ADAMTS19: variants seen among roughly 807,000 people sequenced by gnomAD.
ADAMTS19 encodes the protein A disintegrin and metalloproteinase with thrombospondin motifs 19.
In ADAMTS19, 93 loss-of-function variants were observed where a neutral mutation model predicts 153.3. The ratio of observed to expected loss-of-function variants is 0.61; its 90% confidence interval spans 0.51 to 0.72. ADAMTS19 has a LOEUF of 0.72. Ranked by LOEUF, ADAMTS19 falls within the 30% of genes least tolerant of loss-of-function variation. The pLI is 0.00. For missense variants in ADAMTS19, 1,482 were observed against 1,552.1 expected (o/e 0.95, Z 0.76); for synonymous variants, 600 against 556.6 (o/e 1.08, Z -1.10).
In ADAMTS19 at chr5:129,489,426, T is replaced by C. The variant is rs180862836; in HGVS notation, c.748-19651T>C. 4.6e-5 allele frequency among the ~76,000 whole-genome samples: 7 copies of C among 152,274 alleles called. No individual in the cohort carries two copies. In the East Asian group the frequency reaches 1.3e-3, roughly 29 times the overall value. On this transcript the variant is annotated intron_variant, in intron 2 of 22. Transcript: ENST00000274487. ...TCTTCCAGTGCCACATCTTCTTCCTTTCCCTTTATGCATAAGGTTTCCTCT... is the reference window on the plus strand; with the variant it reads ...TCTTCCAGTGCCACATCTTCTTCCTCTCCCTTTATGCATAAGGTTTCCTCT...
At chr5:129,559,566 G>C (rs982688773) in intron 7 of ADAMTS19, among the ~76,000 whole-genome samples, 1 of 152,086 alleles carries the variant, frequency 6.6e-6, no homozygotes, top group Admixed American at 6.5e-5. Flanking sequence ...ATTTAAATTG[G>C]TGTAATCATT....
intron 2 of ADAMTS19, among the ~76,000 whole-genome samples, chr5:129,462,013 G>A: frequency 6.6e-6 from 1 of 152,176 alleles, no homozygotes; most frequent in East Asian, 1.9e-4. Context: ...AAAACTGCGT[G>A]AAACTCTGCC....
intron 8 of ADAMTS19, among the ~76,000 whole-genome samples, chr5:129,612,999 T>C (rs1213656662): frequency 2.6e-5 from 4 of 152,146 alleles, no homozygotes; most frequent in Admixed American, 6.6e-5. Flanking sequence ...ATCCTAAATA[T>C]ATATGCACCC....
Position 129,704,282 on chromosome 5 carries a change from G to A in ADAMTS19, c.3203G>A (p.Arg1068Lys), listed in dbSNP as rs1438041952. Residue 1068 changes from arginine (R) to lysine (K), a missense_variant, in exon 21 of 23, where the codon AGA becomes AAA. Arg to Lys is a conservative substitution (Grantham distance 26). Coordinates refer to ENST00000274487, the MANE Select transcript of ADAMTS19 (RefSeq NM_133638.6). ...AAAGGCATACGTCATCGGACCGTTAGATGTACCAACCCAAGAAAGAAGTGT... is the reference window on the plus strand; with the variant it reads ...AAAGGCATACGTCATCGGACCGTTAAATGTACCAACCCAAGAAAGAAGTGT... ...CGKGIRHRTV[R>K]CTNPRKKCVL... 1 of 1,614,134 alleles carries A rather than the reference G, an allele frequency of 6.2e-7. No individual in the cohort carries two copies. The highest frequency in any genetic ancestry group is 8.5e-7 in the Non-Finnish European group (1 of 1,179,990).
intron 21 of ADAMTS19, among the ~76,000 whole-genome samples, chr5:129,708,324 C>T (rs1310380920): frequency 6.6e-6 from 1 of 152,058 alleles, no homozygotes; most frequent in East Asian, 1.9e-4. Context: ...CAATTATATG[C>T]CACGTTCTGA....
Position 129,620,814 on chromosome 5 carries a change from T to A in ADAMTS19, c.1619+56T>A. On this transcript the variant is annotated intron_variant, in intron 9 of 22. Transcript: ENST00000274487. ...TGAATGATTATGTGTGCTGTTTCTT[T>A]TTACAAATAGAGAAGCCAGTGTGGC... 1.9e-6 allele frequency: 3 copies of A among 1,560,718 alleles called. No individual in the cohort carries two copies. In the South Asian group the frequency reaches 3.6e-5, roughly 19 times the overall value.
intron 6 of ADAMTS19, among the ~76,000 whole-genome samples, chr5:129,541,917 A>C (rs1752666254): frequency 6.6e-6 from 1 of 152,108 alleles, no homozygotes; most frequent in Non-Finnish European, 1.5e-5. Context: ...ATAGTTTCCT[A>C]TGTAGATAAA....
rs1357310057 is a variant in ADAMTS19, at chr5:129,461,502, C to G, written c.492C>G (p.Ala164=). The change falls in exon 2 of 23, where the codon GCC becomes GCG. Residue 164 remains alanine, a synonymous_variant. Coordinates refer to ENST00000274487, the MANE Select transcript of ADAMTS19 (RefSeq NM_133638.6). This position sits in a 1 kb window ranked among gnomAD's most constrained non-coding sequence, Gnocchi z 4.6. ...CGTCCCCGCCCCCGGCCCAGCATGC[C>G]GAGCCGGATGGCGACGAAGTGTTGC... ...PPPSPPPAQH[A]EPDGDEVLLR... is the part of the protein sequence containing the mutation. The G allele has an allele frequency of 6.6e-6, 10 of 1,507,082 alleles. No homozygotes were observed. In the East Asian group the frequency reaches 8.3e-5, roughly 12 times the overall value. 93.4% of individuals were successfully genotyped at this position (1,507,082 alleles called of 1,614,324 possible).
intron 7 of ADAMTS19, among the ~76,000 whole-genome samples, chr5:129,571,327 T>G (rs1427934254): frequency 6.6e-6 from 1 of 151,658 alleles, no homozygotes; most frequent in Non-Finnish European, 1.5e-5. Context: ...CATATATGGG[T>G]GTTTATGTGT....
chr5:129,496,705 A>G (rs577666526), intron 2 of ADAMTS19, among the ~76,000 whole-genome samples: 2 of 152,198 alleles, frequency 1.3e-5, no homozygotes, highest in South Asian at 2.1e-4. Context: ...CTGGAATTGC[A>G]TGAGATAAGT....
intron 21 of ADAMTS19, among the ~76,000 whole-genome samples, chr5:129,731,694 G>T (rs1254359280): frequency 1.3e-5 from 2 of 151,956 alleles, no homozygotes; most frequent in Admixed American, 1.3e-4. Flanking sequence ...CGTAAAGGAA[G>T]AATTGACAGC....
At chr5:129,626,200 T>C (rs1247632370) in intron 10 of ADAMTS19, among the ~76,000 whole-genome samples, 1 of 152,112 alleles carries the variant, frequency 6.6e-6, no homozygotes. Flanking sequence ...AAAAATCAGA[T>C]GCTCTCCAGT....
intron 7 of ADAMTS19, among the ~76,000 whole-genome samples, chr5:129,557,240 G>C (rs762544618): frequency 4.1e-4 from 62 of 152,248 alleles, no homozygotes; most frequent in Non-Finnish European, 7.9e-4. Context: ...TTCTAGCTGA[G>C]AGATTAGCCA....
intron 11 of ADAMTS19, among the ~76,000 whole-genome samples, chr5:129,643,771 G>T (rs570482637): frequency 6.6e-6 from 1 of 152,052 alleles, no homozygotes; most frequent in Non-Finnish European, 1.5e-5. Context: ...ATCAGAATTT[G>T]GGTCTGTTTT....
intron 17 of ADAMTS19, among the ~76,000 whole-genome samples, chr5:129,682,173 T>C (rs965456039): frequency 6.6e-6 from 1 of 152,200 alleles, no homozygotes; most frequent in African/African-American, 2.4e-5. Flanking sequence ...TGAAGCATAA[T>C]TAAACTCAGT....
chr5:129,695,944 T>A (rs962684643), intron 19 of ADAMTS19, among the ~76,000 whole-genome samples: 3 of 152,124 alleles, frequency 2.0e-5, no homozygotes, highest in Non-Finnish European at 4.4e-5. Context: ...TTTATAGCAG[T>A]TTATAACTGA....
chr5:129,463,138 C>T lies in ADAMTS19; in HGVS notation c.747+1381C>T, dbSNP rs144930009. 5.0e-3 allele frequency among the ~76,000 whole-genome samples: 767 copies of T among 152,182 alleles called. 4 individuals are homozygous for T. Among genetic ancestry groups the T allele is most frequent in the African/African-American group, 0.017 (721 of 41,500 alleles). ...TGTTTGAACATTTCACTGGGGAAAA[C>T]ATTTTGTGGAGATTTCATTGTCCAC... On this transcript the variant is annotated intron_variant, in intron 2 of 22. Coordinates refer to ENST00000274487, the MANE Select transcript of ADAMTS19 (RefSeq NM_133638.6).
At chr5:129,613,966 C>A (rs1364543977) in intron 8 of ADAMTS19, among the ~76,000 whole-genome samples, 4 of 152,130 alleles carry the variant, frequency 2.6e-5, no homozygotes, top group African/African-American at 7.2e-5. Flanking sequence ...GACACATACA[C>A]CCTCTCAAGA....
intron 2 of ADAMTS19, among the ~76,000 whole-genome samples, chr5:129,482,410 G>A (rs1472637282): frequency 6.6e-6 from 1 of 151,968 alleles, no homozygotes; most frequent in Admixed American, 6.6e-5. Flanking sequence ...TTCCTCTTTG[G>A]ATTTTTGCTG....
Sources: gnomAD v4.1 joint callset for allele counts (sites outside exome capture counted in the v4.1 genomes callset) on GRCh38, gnomAD v4.1.1 for gene constraint, Gnocchi (gnomAD v3.1) non-coding constraint, MANE v1.5 for transcripts, NCBI Gene and HGNC (gene_info 2026-07-23, HGNC 2026-07-21) for gene names.